RAB3GAP1: variants seen among roughly 807,000 people sequenced by gnomAD.
RAB3GAP1 encodes rab3 GTPase-activating protein catalytic subunit.
In RAB3GAP1, 86 loss-of-function variants were observed where a neutral mutation model predicts 130.7. The ratio of observed to expected loss-of-function variants is 0.66; its 90% CI spans 0.55 to 0.79. The LOEUF is 0.79. Ranked by LOEUF, RAB3GAP1 falls within the 30% of genes least tolerant of loss-of-function variation. RAB3GAP1 has a pLI of 0.00. For missense variants in RAB3GAP1, 1,029 were observed against 1,169.4 expected, an observed-to-expected ratio of 0.88 and a Z score of 1.75; for synonymous variants, 367 against 401.7, an observed-to-expected ratio of 0.91 and a Z score of 1.03.
At chr2:135,118,000 G>C (rs995010978) in intron 7 of RAB3GAP1, among the ~76,000 whole-genome samples, 1 of 151,986 alleles carries the variant, frequency 6.6e-6, no homozygotes, top group Non-Finnish European at 1.5e-5. Flanking sequence ...CTATAGGTGT[G>C]TATCACCACA....
intron 18 of RAB3GAP1, among the ~76,000 whole-genome samples, chr2:135,151,547 T>G (rs1692174102): frequency 6.6e-6 from 1 of 152,224 alleles, no homozygotes; most frequent in African/African-American, 2.4e-5. Flanking sequence ...ATGAAAAACA[T>G]CTTTAGTGAA....
chr2:135,114,402 G>C (rs1471367005), intron 6 of RAB3GAP1, among the ~76,000 whole-genome samples: 1 of 152,102 alleles, frequency 6.6e-6, no homozygotes, highest in South Asian at 2.1e-4. Context: ...TGTACTCCAT[G>C]GTATATCCTA....
chr2:135,072,055 G>C (rs747543918), intron 3 of RAB3GAP1, among the ~76,000 whole-genome samples: 7 of 152,198 alleles, frequency 4.6e-5, no homozygotes, highest in Non-Finnish European at 7.3e-5. Flanking sequence ...TGCGACCACA[G>C]GTGTGCACCA....
chr2:135,089,290 G>A (rs1052343382), intron 3 of RAB3GAP1, among the ~76,000 whole-genome samples: 2 of 152,048 alleles, frequency 1.3e-5, no homozygotes, highest in Admixed American at 6.5e-5. Context: ...TTTGGTTACT[G>A]TAGCCTTGTA....
chr2:135,162,694 A>G (rs377222829), intron 20 of RAB3GAP1, 43 bp downstream of exon 20: 1 of 1,606,946 alleles, frequency 6.2e-7, no homozygotes, highest in Non-Finnish European at 8.5e-7. Flanking sequence ...TTCCAAAGTG[A>G]AAGTATATTT....
rs1369336414 is a variant in RAB3GAP1, at chr2:135,126,198, C to T, written c.848C>T (p.Thr283Ile). ...EDPISELHLA[T>I]TWPHLTEGII... is the part of the protein sequence containing the mutation. ...TTTTTTAGTGAACTCCATTTAGCTA[C>T]TACATGGCCTCATCTGACCGAAGGG... The change falls in exon 10 of 24, where the codon ACT becomes ATT. Residue 283 changes from threonine to isoleucine, a missense_variant. Around this residue, in one of 3 missense-constraint regions of RAB3GAP1, gnomAD observed 510 missense variants for 532.1 expected, o/e 0.96. Transcript: ENST00000264158. 6.2e-7 allele frequency: 1 copy of T among 1,612,764 alleles called. No individual in the cohort carries two copies. Among genetic ancestry groups the T allele is most frequent in the East Asian group, 2.2e-5 (1 of 44,760 alleles).
intron 19 of RAB3GAP1, among the ~76,000 whole-genome samples, chr2:135,160,815 T>C (rs952842105): frequency 5.9e-5 from 9 of 152,150 alleles, no homozygotes; most frequent in African/African-American, 2.2e-4. Flanking sequence ...ATTTTGATTA[T>C]ATAATAAAAT....
At chr2:135,117,723 GCTTCTT>G (rs1396450163) in intron 7 of RAB3GAP1, among the ~76,000 whole-genome samples, 4 of 26,068 alleles carry the variant, frequency 1.5e-4, no homozygotes, top group Non-Finnish European at 2.9e-4. Context: ...TTCTTCTTCT[GCTTCTT>G]CTTCTTCTGC....
intron 5 of RAB3GAP1, among the ~76,000 whole-genome samples, chr2:135,105,138 G>A (rs1690556477): frequency 6.6e-6 from 1 of 151,836 alleles, no homozygotes; most frequent in South Asian, 2.1e-4. Context: ...GGACTCCCAG[G>A]TGAAGAGAAA....
chr2:135,106,006 G>A (rs1180486219), intron 5 of RAB3GAP1, among the ~76,000 whole-genome samples: 4 of 147,030 alleles, frequency 2.7e-5, no homozygotes, highest in African/African-American at 5.1e-5. Flanking sequence ...CAGCTGCCCC[G>A]TCTGAGAAGT....
chr2:135,162,287 T>G, intron 19 of RAB3GAP1: 1 of 400,076 alleles, frequency 2.5e-6, no homozygotes, highest in East Asian at 4.8e-5. Flanking sequence ...TTGTAATCAG[T>G]CGGTAGTTTT....
rs72978318 is a variant in RAB3GAP1 at position 135,075,678 on chromosome 2, T to G, written c.151-15320T>G. 2.7e-4 allele frequency among the ~76,000 whole-genome samples: 40 copies of G among 147,390 alleles called. No homozygotes were observed. The South Asian group carries it at 3.0e-3, about 11-fold the overall frequency. Reference sequence around the variant, plus strand: ...ATTTTTTTTTATATTTGCCTTTTTTTGGGGGGGGTCACTATTTCCTTCATA... The same window carrying G: ...ATTTTTTTTTATATTTGCCTTTTTTGGGGGGGGGTCACTATTTCCTTCATA... On this transcript the variant is annotated intron_variant, in intron 3 of 23. Transcript: ENST00000264158.
At chr2:135,062,202 C>T (rs1236834335) in intron 3 of RAB3GAP1, among the ~76,000 whole-genome samples, 1 of 152,184 alleles carries the variant, frequency 6.6e-6, no homozygotes, top group Non-Finnish European at 1.5e-5. Flanking sequence ...GCATGAGGCA[C>T]TGCGCCCGTC....
intron 17 of RAB3GAP1, 71 bp from the exon 18 acceptor site, chr2:135,150,298 T>C (rs1383649102): frequency 3.8e-6 from 6 of 1,573,310 alleles, no homozygotes; most frequent in Non-Finnish European, 5.2e-6. Flanking sequence ...CTGTTGTCTT[T>C]ATTCTATTTT....
At chr2:135,094,752 C>G (rs553805444) in intron 5 of RAB3GAP1, among the ~76,000 whole-genome samples, 1 of 152,268 alleles carries the variant, frequency 6.6e-6, no homozygotes, top group African/African-American at 2.4e-5. Context: ...TCCGTGAGTT[C>G]AGTTTGTTTG....
At chr2:135,095,545 TAAAATC>T (rs1232414549) in intron 5 of RAB3GAP1, among the ~76,000 whole-genome samples, 1 of 152,224 alleles carries the variant, frequency 6.6e-6, no homozygotes, top group Non-Finnish European at 1.5e-5. Flanking sequence ...TGTTATGTGA[TAAAATC>T]AAAACTCACT....
intron 23 of RAB3GAP1, chr2:135,167,755 C>A (rs1405417660): frequency 7.0e-7 from 1 of 1,436,964 alleles, no homozygotes; most frequent in Admixed American, 2.0e-5. Flanking sequence ...CTTGTTCCTT[C>A]CCATCCCTCT....
At chr2:135,154,348 T>C (rs1214984081) in intron 19 of RAB3GAP1, among the ~76,000 whole-genome samples, 1 of 152,178 alleles carries the variant, frequency 6.6e-6, no homozygotes, top group African/African-American at 2.4e-5. Context: ...AAAAAACATT[T>C]GGAGTTATGG....
At position 135,052,496 on chromosome 2, in the gene RAB3GAP1, C is replaced by A. The variant is rs536254638; in HGVS notation, c.74+11C>A. Reference sequence around the variant, plus strand: ...CTCGGAATGGGAAAGGTGAGTGAATCGCATTTTTGGTTACCAGCTCCCATG... The same window carrying A: ...CTCGGAATGGGAAAGGTGAGTGAATAGCATTTTTGGTTACCAGCTCCCATG... On this transcript the variant is annotated intron_variant, in intron 2 of 23. Coordinates refer to ENST00000264158, the MANE Select transcript of RAB3GAP1 (RefSeq NM_012233.3). The A allele has an allele frequency of 1.2e-6, 2 of 1,613,242 alleles. No homozygotes were observed. Among genetic ancestry groups the A allele is most frequent in the Non-Finnish European group, 1.7e-6 (2 of 1,180,014 alleles).
Sources: allele counts gnomAD v4.1 joint callset (sites outside exome capture counted in the v4.1 genomes callset), GRCh38; gene constraint gnomAD v4.1.1; regional missense constraint gnomAD v4.1.1; transcripts MANE v1.5; gene names NCBI Gene and HGNC (gene_info 2026-07-23, HGNC 2026-07-21).